The following NCEH1 variants were observed in gnomAD, a reference collection of about 807,000 sequenced individuals.
The protein encoded by NCEH1 is 2-acetyl MAGE hydrolase.
In NCEH1, 9 loss-of-function variants were observed where a neutral mutation model predicts 25.4. The ratio of observed to expected loss-of-function variants is 0.35; its 90% CI spans 0.21 to 0.62. The LOEUF is 0.62. NCEH1 is among the 20% of genes least tolerant of loss of function. NCEH1 has a pLI of 0.72. For missense variants in NCEH1, 412 were observed against 501.1 expected, an observed-to-expected ratio of 0.82 and a Z score of 1.70; for synonymous variants, 200 against 199.8, an observed-to-expected ratio of 1.00 and a Z score of -0.01.
chr3:172,635,882 T>G (rs1470279390), intron 4 of NCEH1, 34 bp downstream of exon 4: 2 of 1,606,300 alleles, frequency 1.2e-6, no homozygotes, highest in East Asian at 4.5e-5. Flanking sequence ...CATGCACCGC[T>G]TAACCCACCA....
At chr3:172,663,785 C>T (rs1398369877) in intron 1 of NCEH1, among the ~76,000 whole-genome samples, 2 of 152,098 alleles carry the variant, frequency 1.3e-5, no homozygotes, top group East Asian at 3.9e-4. Context: ...GATTGCAACC[C>T]CTGCTTTTTT....
chr3:172,682,031 C>T (rs1712409773), intron 1 of NCEH1, among the ~76,000 whole-genome samples: 1 of 152,130 alleles, frequency 6.6e-6, no homozygotes, highest in Non-Finnish European at 1.5e-5. Flanking sequence ...TTTCCTAGGG[C>T]AGAAAAAGCA....
intron 3 of NCEH1, among the ~76,000 whole-genome samples, chr3:172,644,234 C>CT (rs1394666985): frequency 7.9e-5 from 12 of 151,878 alleles, no homozygotes; most frequent in Admixed American, 2.0e-4. Context: ...GACTCTAGGG[C>CT]TTTGGGGTGA....
chr3:172,704,447 A>T (rs1201429426), intron 1 of NCEH1, among the ~76,000 whole-genome samples: 1 of 152,198 alleles, frequency 6.6e-6, no homozygotes, highest in Non-Finnish European at 1.5e-5. Context: ...ACCTTTAGCC[A>T]CATTTTCCTT....
intron 1 of NCEH1, among the ~76,000 whole-genome samples, chr3:172,676,620 T>C (rs1304618780): frequency 1.3e-5 from 2 of 152,080 alleles, no homozygotes; most frequent in African/African-American, 4.8e-5. Context: ...CCCCCTCCCT[T>C]TGTCTCTGTA....
intron 1 of NCEH1, among the ~76,000 whole-genome samples, chr3:172,674,509 A>G (rs1396294299): frequency 6.6e-6 from 1 of 151,874 alleles, no homozygotes; most frequent in Non-Finnish European, 1.5e-5. Context: ...TTACCCCAAC[A>G]GATACTTTTT....
rs917791021 is a variant in NCEH1, at chr3:172,652,317, A to T, written c.139-4203T>A. On this transcript the variant is annotated intron_variant, in intron 1 of 4. Transcript: ENST00000475381. ...CTGTCTTTTCTCCACAGCCCATTAT[A>T]TGTACCCAAGAGTTCAACAGGAATA... Among the ~76,000 whole-genome samples, 8 of 152,214 alleles carry T rather than the reference A, an allele frequency of 5.3e-5. No homozygotes were observed. In the East Asian group the frequency reaches 1.5e-3, roughly 29 times the overall value.
At chr3:172,638,235 G>A (rs1257040470) in intron 3 of NCEH1, among the ~76,000 whole-genome samples, 2 of 130,610 alleles carry the variant, frequency 1.5e-5, no homozygotes, top group East Asian at 2.3e-4. Flanking sequence ...CTGAGATCGC[G>A]CCACTGCACT....
chr3:172,692,922 C>G (rs1199383731), intron 1 of NCEH1, among the ~76,000 whole-genome samples: 2 of 152,190 alleles, frequency 1.3e-5, no homozygotes, highest in African/African-American at 4.8e-5. Flanking sequence ...TCACCTCAGA[C>G]TCTTGCTGTT....
rs780758796 is a variant in NCEH1, at chr3:172,633,628, G to A, written c.1074C>T (p.Ala358=). 1.9e-6 allele frequency: 3 copies of A among 1,614,202 alleles called. No homozygotes were observed. Among genetic ancestry groups the A allele is most frequent in the Non-Finnish European group, 2.5e-6 (3 of 1,180,034 alleles). The change falls in exon 5 of 5, where the codon GCC becomes GCT. Residue 358 remains alanine, a synonymous_variant. Coordinates refer to ENST00000475381, the MANE Select transcript of NCEH1 (RefSeq NM_020792.6). ...CCACACCGGCACTCTCCAAACGCTT[G>A]GCATACATGATGCCATCGTCTCTGA... ...DVLRDDGIMY[A]KRLESAGVEV...
At chr3:172,641,433 T>C (rs234004) in intron 3 of NCEH1, among the ~76,000 whole-genome samples, 40,807 of 152,108 alleles carry the variant, frequency 0.27, 5,655 homozygotes, top group Non-Finnish European at 0.3. Flanking sequence ...TCCCAACTCC[T>C]GGTGCTCATA....
In NCEH1 at chr3:172,648,085, G is replaced by T. The variant is rs1426165950; in HGVS notation, c.168C>A (p.Ser56Arg). The T allele has an allele frequency of 3.7e-6, 6 of 1,614,104 alleles. No individual in the cohort carries two copies. In the Admixed American group the frequency reaches 1.0e-4, roughly 27 times the overall value. ...TAAAATTCAGTGCCAGCAGGTGATG[G>T]CTCAGTCCCAGGTAGTGGATCAGGT... ...VSNLIHYLGL[S>R]HHLLALNFII... The change falls in exon 2 of 5, where the codon AGC (serine) becomes AGA (arginine). Residue 56 changes from serine to arginine, a missense_variant. By Grantham distance (110) the Ser-to-Arg change is moderately radical (BLOSUM62 -1). Transcript: ENST00000475381.
In NCEH1 at chr3:172,704,101, T is replaced by G. The variant is rs559310226; in HGVS notation, c.138+6746A>C. On this transcript the variant is annotated intron_variant, in intron 1 of 4. Transcript: ENST00000475381. ...AGTTCAAAACTGTTATGAAAGAGAT[T>G]ATTAGCACGTTGAAGTTCTGCACAG... Among the ~76,000 whole-genome samples, 4 of 35,494 alleles carry G rather than the reference T, an allele frequency of 1.1e-4. 1 individual carries two copies. The South Asian group carries it at 3.9e-3, about 34-fold the overall frequency. The allele number at this position is 35,494 out of a possible 152,430, so 23.3% of individuals were successfully genotyped here. A position where few individuals can be genotyped will look rare whatever the true frequency, so the allele number is the denominator to read the frequency against.
chr3:172,699,441 T>C (rs531940176), intron 1 of NCEH1, among the ~76,000 whole-genome samples: 166 of 152,288 alleles, frequency 1.1e-3, no homozygotes, highest in Non-Finnish European at 2.0e-3. Context: ...AACAGTCAGA[T>C]TGGAGCACTC....
At chr3:172,695,947 A>T (rs771616471) in intron 1 of NCEH1, among the ~76,000 whole-genome samples, 9 of 152,220 alleles carry the variant, frequency 5.9e-5, no homozygotes, top group Non-Finnish European at 1.0e-4. Context: ...CTGTCTCAAA[A>T]AAATAAATAA....
chr3:172,636,844 T>C (rs764728086), intron 3 of NCEH1, among the ~76,000 whole-genome samples: 1 of 152,190 alleles, frequency 6.6e-6, no homozygotes, highest in Admixed American at 6.5e-5. Context: ...GCCTCACCCA[T>C]AGTGTTATCT....
chr3:172,634,154 C>A (rs899945325), intron 4 of NCEH1, 62 bp from the exon 5 acceptor site: 2 of 1,496,356 alleles, frequency 1.3e-6, no homozygotes, highest in African/African-American at 2.8e-5. Context: ...AGGAACCATA[C>A]CCTGTAGAGT....
At chr3:172,659,141 A>G (rs748362064) in intron 1 of NCEH1, among the ~76,000 whole-genome samples, 7 of 152,086 alleles carry the variant, frequency 4.6e-5, no homozygotes, top group Non-Finnish European at 8.8e-5. Context: ...ATTGCCATTC[A>G]TGAGTGTAGG....
In NCEH1 at chr3:172,698,565, A is replaced by G. The variant is rs542249365; in HGVS notation, c.138+12282T>C. On this transcript the variant is annotated intron_variant, in intron 1 of 4. Coordinates refer to ENST00000475381, the MANE Select transcript of NCEH1 (RefSeq NM_020792.6). ...CAGGCAGCTCTGAAAAGGGTCTCTC[A>G]ATCTCTCATGGGGTATTTATCAACT... Among the ~76,000 whole-genome samples the G allele has an allele frequency of 8.5e-5, 13 of 152,334 alleles. 1 individual carries two copies. The South Asian group carries it at 2.7e-3, about 32-fold the overall frequency.
Sources: gnomAD v4.1 joint callset for allele counts (sites outside exome capture counted in the v4.1 genomes callset) on GRCh38, gnomAD v4.1.1 for gene constraint, MANE v1.5 for transcripts, NCBI Gene and HGNC (gene_info 2026-07-23, HGNC 2026-07-21) for gene names.